Variants in DAP observed in about 807,000 individuals in gnomAD.
DAP encodes the protein death-associated protein 1.
In DAP, 8 loss-of-function variants were observed where a neutral mutation model predicts 13.8. The ratio of observed to expected loss-of-function variants is 0.58; its 90% confidence interval spans 0.34 to 1.05. The LOEUF (loss-of-function observed/expected upper bound fraction) is 1.05. Among genes scored for constraint, DAP ranks in the 50% least tolerant of loss-of-function variants. The probability of loss-of-function intolerance (pLI) is 0.03; values close to 1 mark genes in which losing one functional copy is unlikely to be tolerated. For synonymous variants in DAP, 47 were observed against 47.5 expected, an observed-to-expected ratio of 0.99 and a Z score of 0.04; for missense variants, 106 against 133.2, an observed-to-expected ratio of 0.80 and a Z score of 1.01.
chr5:10,680,671 T>G lies in DAP; in HGVS notation c.*385A>C. ...TTGGCCCATACTAAAAAGCATGCAA[T>G]GACTGAGGTTTTCTCCTAACCTTAA... is the stretch of plus-strand genomic sequence containing the variant. On this transcript the variant is annotated 3_prime_UTR_variant, in exon 4 of 4. Coordinates refer to ENST00000230895, the MANE Select transcript of DAP (RefSeq NM_004394.3). 7.0e-7 allele frequency: 1 copy of G among 1,426,358 alleles called. No individual in the cohort carries two copies. Among genetic ancestry groups the G allele is most frequent in the Non-Finnish European group, 9.5e-7 (1 of 1,056,756 alleles). The allele number at this position is 1,426,358 out of a possible 1,614,324, so 88.4% of individuals were successfully genotyped here. A position where few individuals can be genotyped will look rare whatever the true frequency, so the allele number is the denominator to read the frequency against.
intron 1 of DAP, among the ~76,000 whole-genome samples, chr5:10,756,381 ATGGATAAT>A (rs1304965179): frequency 2.3e-4 from 35 of 152,090 alleles, no homozygotes; most frequent in Non-Finnish European, 2.8e-4. Flanking sequence ...GTTTCTAGCA[ATGGATAAT>A]CTGAAAGTCT....
intron 2 of DAP, among the ~76,000 whole-genome samples, chr5:10,723,492 CA>C (rs1487790998): frequency 6.6e-6 from 1 of 152,256 alleles, no homozygotes; most frequent in African/African-American, 2.4e-5. Context: ...GTCATCCAAG[CA>C]AAACTACTCT....
At chr5:10,748,121 T>C in intron 2 of DAP, 54 bp downstream of exon 2, 1 of 1,249,658 alleles carries the variant, frequency 8.0e-7, no homozygotes, top group South Asian at 1.2e-5. Context: ...TGTTAATGCT[T>C]AACCGAATAG....
intron 2 of DAP, among the ~76,000 whole-genome samples, chr5:10,737,601 A>G (rs1451615817): frequency 6.6e-6 from 1 of 152,206 alleles, no homozygotes; most frequent in Non-Finnish European, 1.5e-5. Context: ...AAAGATAAAA[A>G]TTCCCAGGCA....
At chr5:10,722,625 C>T (rs1227734795) in intron 2 of DAP, among the ~76,000 whole-genome samples, 1 of 148,098 alleles carries the variant, frequency 6.8e-6, no homozygotes, top group East Asian at 2.0e-4. Flanking sequence ...CATATATACA[C>T]ACATATATAT....
chr5:10,750,203 T>C (rs534202994), intron 1 of DAP, among the ~76,000 whole-genome samples: 2 of 152,268 alleles, frequency 1.3e-5, no homozygotes, highest in Non-Finnish European at 2.9e-5. Context: ...GAGTGGACCC[T>C]GCCGAGTCAC....
chr5:10,724,925 G>A (rs1450958747), intron 2 of DAP, among the ~76,000 whole-genome samples: 2 of 152,078 alleles, frequency 1.3e-5, no homozygotes, highest in African/African-American at 4.8e-5. Context: ...AGGAGGAGAA[G>A]GTGGGGGTTC....
At chr5:10,717,462 T>C (rs543218512) in intron 2 of DAP, among the ~76,000 whole-genome samples, 4 of 152,322 alleles carry the variant, frequency 2.6e-5, no homozygotes, top group African/African-American at 7.2e-5. Context: ...CACACTGAGT[T>C]TGTAAACTCT....
intron 3 of DAP, chr5:10,683,283 G>A (rs1308215846): frequency 3.5e-6 from 2 of 575,136 alleles, no homozygotes; most frequent in Non-Finnish European, 6.2e-6. Flanking sequence ...GGAGGTCTGC[G>A]CTTAAGTCAC....
intron 1 of DAP, among the ~76,000 whole-genome samples, chr5:10,756,313 G>GTAGTCCCA (rs1740180794): frequency 1.0e-5 from 1 of 96,098 alleles, no homozygotes; most frequent in Admixed American, 9.8e-5. Context: ...GGTTGACACT[G>GTAGTCCCA]GGACTATGCT....
chr5:10,683,779 G>C (rs1248243115), intron 2 of DAP, among the ~76,000 whole-genome samples: 1 of 152,132 alleles, frequency 6.6e-6, no homozygotes, highest in Non-Finnish European at 1.5e-5. Context: ...CCCCAAGTAC[G>C]AGAGAGAAAC....
At chr5:10,744,699 C>CAGGG (rs1348062143) in intron 2 of DAP, among the ~76,000 whole-genome samples, 1 of 152,234 alleles carries the variant, frequency 6.6e-6, no homozygotes, top group Non-Finnish European at 1.5e-5. Flanking sequence ...GGAAACCTCC[C>CAGGG]TAAGCTTTGC....
intron 2 of DAP, among the ~76,000 whole-genome samples, chr5:10,730,822 C>G (rs1411185362): frequency 4.9e-5 from 5 of 101,618 alleles, no homozygotes; most frequent in South Asian, 3.6e-4. Flanking sequence ...GAATCCTTCT[C>G]TATTGAGAGC....
At chr5:10,717,197 G>A (rs1051736128) in intron 2 of DAP, among the ~76,000 whole-genome samples, 13 of 152,256 alleles carry the variant, frequency 8.5e-5, no homozygotes, top group African/African-American at 4.8e-5. Context: ...TTCTGTCTCC[G>A]GGCTTCAGAA....
intron 2 of DAP, among the ~76,000 whole-genome samples, chr5:10,703,977 C>T (rs1325457759): frequency 6.6e-6 from 1 of 152,260 alleles, no homozygotes; most frequent in Admixed American, 6.5e-5. Flanking sequence ...TGGCAGAAAG[C>T]AGCATCCCGA....
intron 1 of DAP, among the ~76,000 whole-genome samples, chr5:10,749,711 G>C (rs1440267699): frequency 2.7e-5 from 4 of 148,854 alleles, no homozygotes; most frequent in African/African-American, 9.9e-5. Flanking sequence ...CATACAGCTT[G>C]CCAGCTCTCC....
intron 2 of DAP, among the ~76,000 whole-genome samples, chr5:10,747,590 G>C (rs777928033): frequency 2.6e-5 from 4 of 152,210 alleles, no homozygotes; most frequent in Non-Finnish European, 5.9e-5. Context: ...CAATTCTCAA[G>C]GGTCTCCATG....
At chr5:10,732,137 C>A (rs1381676263) in intron 2 of DAP, among the ~76,000 whole-genome samples, 1 of 152,220 alleles carries the variant, frequency 6.6e-6, no homozygotes, top group Non-Finnish European at 1.5e-5. Flanking sequence ...CAGGCTGAAC[C>A]TAGCCATGGT....
intron 2 of DAP, among the ~76,000 whole-genome samples, chr5:10,720,559 CAT>C (rs1295977619): frequency 1.3e-5 from 2 of 152,242 alleles, no homozygotes; most frequent in African/African-American, 4.8e-5. Context: ...TCCCCAGCCA[CAT>C]GTCATCGCCC....
Sources: gnomAD v4.1 joint callset for allele counts (sites outside exome capture counted in the v4.1 genomes callset) on GRCh38, gnomAD v4.1.1 for gene constraint, MANE v1.5 for transcripts, NCBI Gene and HGNC (gene_info 2026-07-23, HGNC 2026-07-21) for gene names.